Variants in DPRX observed in about 807,000 individuals in gnomAD.
The protein encoded by DPRX is divergent paired-related homeobox.
A neutral mutation model predicts 8.4 loss-of-function variants in DPRX; 11 were observed. That is an observed-to-expected ratio of 1.31 (90% confidence interval 0.82 to 2.17). DPRX has a LOEUF of 2.17. Among genes scored for constraint, DPRX ranks in the 30% most tolerant of loss-of-function variants. The pLI, the probability that DPRX is intolerant of heterozygous loss-of-function variation, is 0.00. For missense variants in DPRX, 211 were observed against 236.7 expected, an observed-to-expected ratio of 0.89 and a Z score of 0.71; for synonymous variants, 72 against 87.0, an observed-to-expected ratio of 0.83 and a Z score of 0.96.
chr19:53,619,834 G>A, the DPRX span, among the ~76,000 whole-genome samples: 1 of 136,738 alleles, frequency 7.3e-6, no homozygotes, highest in Non-Finnish European at 1.5e-5. Context: ...CAGCCTGGGT[G>A]ACAGAGTGAG....
At chr19:53,617,907 A>G in the DPRX span, among the ~76,000 whole-genome samples, 1 of 152,004 alleles carries the variant, frequency 6.6e-6, no homozygotes, top group Non-Finnish European at 1.5e-5. Flanking sequence ...TGGGAGGCCA[A>G]GGTGGGCAGA....
At chr19:53,623,926 G>A in the DPRX span, among the ~76,000 whole-genome samples, 2 of 150,940 alleles carry the variant, frequency 1.3e-5, no homozygotes, top group African/African-American at 4.9e-5. Context: ...CTCCAGCCAG[G>A]GCAACAAGAG....
the DPRX span, among the ~76,000 whole-genome samples, chr19:53,622,337 A>AAGAG: frequency 1.8e-4 from 27 of 150,638 alleles, no homozygotes; most frequent in East Asian, 5.1e-3. Flanking sequence ...ATATTTAGTT[A>AAGAG]AGAGAGAGAG....
the DPRX span, among the ~76,000 whole-genome samples, chr19:53,616,063 A>G: frequency 6.6e-6 from 1 of 151,660 alleles, no homozygotes; most frequent in African/African-American, 2.4e-5. Context: ...GACCAGCCTG[A>G]CCAACATGGA....
At chr19:53,629,231 T>C (rs1325786574), upstream of DPRX, among the ~76,000 whole-genome samples, 1 of 150,286 alleles carries the variant, frequency 6.7e-6, no homozygotes, top group Admixed American at 6.7e-5. Flanking sequence ...TGAGAATCAC[T>C]TGAATTTAGG....
At chr19:53,620,272 T>C in the DPRX span, among the ~76,000 whole-genome samples, 4,275 of 152,034 alleles carry the variant, frequency 0.028, 207 homozygotes, top group African/African-American at 0.093. Context: ...GGTTTCACCA[T>C]GTTAGCCAGG....
At chr19:53,620,173 C>T in the DPRX span, among the ~76,000 whole-genome samples, 1 of 151,760 alleles carries the variant, frequency 6.6e-6, no homozygotes, top group African/African-American at 2.4e-5. Flanking sequence ...GGGTTCAAGC[C>T]ATTCTCCTGC....
At chr19:53,617,135 A>G in the DPRX span, 2,321 of 1,210,242 alleles carry the variant, frequency 1.9e-3, 13 homozygotes, top group African/African-American at 0.017. Flanking sequence ...GAATGCACCA[A>G]ATATCCCAAA....
chr19:53,632,433 T>C (rs1363642980), intron 1 of DPRX, among the ~76,000 whole-genome samples: 1 of 151,562 alleles, frequency 6.6e-6, no homozygotes, highest in Non-Finnish European at 1.5e-5. Flanking sequence ...CCCGAGTAGC[T>C]GGGATGACAG....
upstream of DPRX, chr19:53,629,722 A>C (rs11878870): frequency 6.6e-6 from 1 of 151,606 alleles, no homozygotes. Flanking sequence ...GGCCGGGTGC[A>C]GTGGCTCACA....
intron 1 of DPRX, 86 bp from the exon 2 acceptor site, chr19:53,634,445 C>G: frequency 2.0e-6 from 3 of 1,500,294 alleles, no homozygotes; most frequent in Non-Finnish European, 2.7e-6. Context: ...CACGTTGTAC[C>G]TCAGTGGAAA....
Position 53,634,021 on chromosome 19 carries a change from G to C in DPRX, c.29-510G>C, listed in dbSNP as rs373627678. 4.0e-3 allele frequency among the ~76,000 whole-genome samples: 611 copies of C among 152,302 alleles called. 6 individuals carry two copies. The highest frequency in any genetic ancestry group is 0.013 in the African/African-American group (535 of 41,572). ...CTTTTCCTATGAAAATGACAAATGA[G>C]GCTTGGAAAAACAAGGACAAAAGGC... On this transcript the variant is annotated intron_variant, in intron 1 of 2. Transcript: ENST00000376650.
the DPRX span, among the ~76,000 whole-genome samples, chr19:53,625,906 G>T: frequency 6.6e-6 from 1 of 152,032 alleles, no homozygotes; most frequent in East Asian, 1.9e-4. Context: ...CCATAGTGCT[G>T]GGATTACAGG....
the DPRX span, chr19:53,617,015 C>A: frequency 8.7e-7 from 1 of 1,155,190 alleles, no homozygotes; most frequent in Non-Finnish European, 1.3e-6. Context: ...CATCAGAGGC[C>A]AGTAGCTTTC....
chr19:53,602,681 T>A, the DPRX span, among the ~76,000 whole-genome samples: 1 of 151,812 alleles, frequency 6.6e-6, no homozygotes, highest in Non-Finnish European at 1.5e-5. Context: ...ATTACAGGCG[T>A]CTGCCACCGT....
At chr19:53,629,618 T>G (rs2091083839), upstream of DPRX, 1 of 151,822 alleles carries the variant, frequency 6.6e-6, no homozygotes, top group South Asian at 2.1e-4. Context: ...AGGCTCTTTT[T>G]AAATTGGTTT....
chr19:53,634,457 G>A (rs1471948942), intron 1 of DPRX, 74 bp from the exon 2 acceptor site: 1 of 1,535,810 alleles, frequency 6.5e-7, no homozygotes, highest in Non-Finnish European at 8.8e-7. Context: ...CAGTGGAAAG[G>A]AAAGGAAAGC....
At chr19:53,602,294 G>A in the DPRX span, 1 of 354,808 alleles carries the variant, frequency 2.8e-6, no homozygotes, top group Non-Finnish European at 5.6e-6. Context: ...GTGTGTGTGT[G>A]TGTGTGTGTG....
At chr19:53,619,999 G>T in the DPRX span, among the ~76,000 whole-genome samples, 1 of 152,116 alleles carries the variant, frequency 6.6e-6, no homozygotes, top group East Asian at 1.9e-4. Context: ...GAAAGACTGG[G>T]ACATTTCTGT....
Sources: allele counts gnomAD v4.1 joint callset (sites outside exome capture counted in the v4.1 genomes callset), GRCh38; gene constraint gnomAD v4.1.1; transcripts MANE v1.5; gene names NCBI Gene and HGNC (gene_info 2026-07-23, HGNC 2026-07-21).